The following TTI2 variants were observed in gnomAD, a reference collection of about 807,000 sequenced individuals.
The protein encoded by TTI2 is TELO2 interacting protein 2.
A neutral mutation model predicts 44.9 loss-of-function variants in TTI2; 26 were observed. The ratio of observed to expected loss-of-function variants is 0.58; its 90% CI spans 0.42 to 0.80. The LOEUF is 0.80. TTI2 is among the 30% of genes least tolerant of loss of function. The pLI is 0.00. For missense variants in TTI2, 582 were observed against 611.6 expected, an observed-to-expected ratio of 0.95 and a Z score of 0.51; for synonymous variants, 254 against 250.9, an observed-to-expected ratio of 1.01 and a Z score of -0.12.
At position 33,500,335 on chromosome 8, in the gene TTI2, C is replaced by T. The variant is rs755926912; in HGVS notation, c.1415G>A (p.Arg472Gln). Residue 472 changes from arginine (R) to glutamine (Q), a missense_variant, in exon 7 of 8, where the codon CGG becomes CAG. Coordinates refer to ENST00000431156, the MANE Select transcript of TTI2 (RefSeq NM_001102401.4). Reference protein sequence around the residue: ...LILLDRCSQGRVKGLLAKIPQ... With the variant: ...LILLDRCSQGQVKGLLAKIPQ... ...AGTTTCAGTCTGCCTTACCTTTACC[C>T]GTCCTTGAGAACAGCGGTCCAGGAG... 9.3e-6 allele frequency: 15 copies of T among 1,614,036 alleles called. 1 individual carries two copies. In the South Asian group the frequency reaches 1.1e-4, roughly 12 times the overall value.
chr8:33,512,877 T>TAAAAAA (rs61291473), intron 1 of TTI2, 165 bp from the exon 2 acceptor site: 12 of 93,234 alleles, frequency 1.3e-4, no homozygotes, highest in South Asian at 4.3e-4. Flanking sequence ...TCCGTCTCAG[T>TAAAAAA]AAAAAAAAAA....
Position 33,498,926 on chromosome 8 carries a change from T to C in TTI2, c.*247A>G. The C allele has an allele frequency of 1.4e-5, 8 of 578,504 alleles. No homozygotes were observed. The East Asian group carries it at 2.0e-4, about 15-fold the overall frequency. 35.8% of individuals were successfully genotyped at this position (578,504 alleles called of 1,614,324 possible). On this transcript the variant is annotated 3_prime_UTR_variant, in exon 8 of 8. Transcript: ENST00000431156. ...ATGAGATGACGGATGTAAATATTTC[T>C]AAATTTTAAATGCTACATTACTTGG...
intron 3 of TTI2, among the ~76,000 whole-genome samples, chr8:33,509,090 C>A (rs1271401822): frequency 7.2e-6 from 1 of 139,272 alleles, no homozygotes; most frequent in Non-Finnish European, 1.5e-5. Flanking sequence ...CTGCAGTGAG[C>A]CAAGATCACA....
rs1315225989 is a variant in TTI2 at position 33,512,419 on chromosome 8, A to C, written c.195T>G (p.Asp65Glu). 3 of 1,614,038 alleles carry C rather than the reference A, an allele frequency of 1.9e-6. No individual in the cohort carries two copies. The highest frequency in any genetic ancestry group is 2.5e-6 in the Non-Finnish European group (3 of 1,179,938). ...GTGCACCAGTCCCCTCAAATAACCT[A>C]TCAAATTCTGTGGCTTCTATTAGAT... ...LGDLIEATEF[D>E]RLFEGTGARL... is the part of the protein sequence containing the mutation. Residue 65 changes from aspartate (D) to glutamate (E), a missense_variant, in exon 2 of 8, where the codon GAT becomes GAG. Coordinates refer to ENST00000431156, the MANE Select transcript of TTI2 (RefSeq NM_001102401.4).
intron 3 of TTI2, among the ~76,000 whole-genome samples, chr8:33,508,302 T>C (rs1809380354): frequency 6.6e-6 from 1 of 151,590 alleles, no homozygotes; most frequent in Admixed American, 6.6e-5. Flanking sequence ...AAGAGCCCAC[T>C]AAGAGATAAA....
At chr8:33,508,569 C>T (rs1809388736) in intron 3 of TTI2, among the ~76,000 whole-genome samples, 1 of 142,146 alleles carries the variant, frequency 7.0e-6, no homozygotes, top group Non-Finnish European at 1.5e-5. Flanking sequence ...TAAGATCACA[C>T]CACTGCACTC....
chr8:33,503,992 T>C (rs974037109), intron 4 of TTI2, 57 bp from the exon 5 acceptor site: 9 of 1,562,876 alleles, frequency 5.8e-6, no homozygotes, highest in Non-Finnish European at 7.9e-6. Flanking sequence ...TTTACAATAC[T>C]CACTGACTTC....
At chr8:33,503,603 T>C (rs1302454664) in intron 5 of TTI2, 31 bp from the exon 6 acceptor site, 1 of 1,612,640 alleles carries the variant, frequency 6.2e-7, no homozygotes, top group African/African-American at 1.3e-5. Context: ...ATGACGCCAG[T>C]GCAGTGGCTC....
At chr8:33,509,596 T>C in intron 3 of TTI2, 150 bp downstream of exon 3, 1 of 741,292 alleles carries the variant, frequency 1.3e-6, no homozygotes, top group Non-Finnish European at 2.3e-6. Flanking sequence ...ACCTATAGGA[T>C]ACAACTTCTA....
rs561618714 is a variant in TTI2 at position 33,505,542 on chromosome 8, G to T, written c.928-1607C>A. ...TTCACTCTCGTTGCCCAGGCTGGAG[G>T]GCAATGGCATGATCTCGGCTCACTG... On this transcript the variant is annotated intron_variant, in intron 4 of 7. Coordinates refer to ENST00000431156, the MANE Select transcript of TTI2 (RefSeq NM_001102401.4). 2.0e-5 allele frequency among the ~76,000 whole-genome samples: 3 copies of T among 151,718 alleles called. No individual in the cohort carries two copies. In the East Asian group the frequency reaches 5.8e-4, roughly 29 times the overall value.
At chr8:33,505,644 C>T (rs1350518865) in intron 4 of TTI2, among the ~76,000 whole-genome samples, 1 of 151,974 alleles carries the variant, frequency 6.6e-6, no homozygotes, top group Non-Finnish European at 1.5e-5. Context: ...CATGCGCCAC[C>T]ATGCCTGGCT....
chr8:33,503,617 C>T (rs1563351949), intron 5 of TTI2, 45 bp from the exon 6 acceptor site: 2 of 1,611,010 alleles, frequency 1.2e-6, no homozygotes, highest in Admixed American at 3.3e-5. Flanking sequence ...GTGGCTCATG[C>T]CTGTAATCCC....
At chr8:33,509,715 C>T (rs1484833885) in intron 3 of TTI2, 31 bp downstream of exon 3, 8 of 1,605,560 alleles carry the variant, frequency 5.0e-6, no homozygotes, top group Admixed American at 1.7e-5. Context: ...TCTGTCCTGT[C>T]AACACAGATG....
At position 33,503,788 on chromosome 8, in the gene TTI2, G is replaced by A. The variant is rs770858092; in HGVS notation, c.1075C>T (p.Arg359Cys). The change falls in exon 5 of 8, where the codon CGC becomes TGC. Residue 359 changes from arginine (R) to cysteine (C), a missense_variant. By Grantham distance (180) the Arg-to-Cys change is radical. Coordinates refer to ENST00000431156, the MANE Select transcript of TTI2 (RefSeq NM_001102401.4). ...GGCAGGTTTCTTGCGTAGGTCCTGC[G>A]TAAAAGAAGGCGGTGCTCTGGCTCC... ...HMEPEHRLLLRRTYARNLPAF... is the reference protein window; with the variant it reads ...HMEPEHRLLLCRTYARNLPAF... 29 of 1,613,862 alleles carry A rather than the reference G, an allele frequency of 1.8e-5. No homozygotes were observed. The highest frequency in any genetic ancestry group is 2.3e-5 in the Non-Finnish European group (27 of 1,180,002).
At chr8:33,509,448 TC>T (rs1478638736) in intron 3 of TTI2, among the ~76,000 whole-genome samples, 1 of 87,784 alleles carries the variant, frequency 1.1e-5, no homozygotes, top group African/African-American at 5.0e-5. Context: ...AGAGTGAGAC[TC>T]CCTCTCAAAA....
At chr8:33,500,552 CT>C in intron 6 of TTI2, 62 bp from the exon 7 acceptor site, 1 of 1,585,360 alleles carries the variant, frequency 6.3e-7, no homozygotes, top group Non-Finnish European at 8.6e-7. Flanking sequence ...TTGGAAGAGA[CT>C]TCAAAGACTG....
intron 3 of TTI2, among the ~76,000 whole-genome samples, chr8:33,507,523 G>A (rs1809343938): frequency 6.6e-6 from 1 of 152,210 alleles, no homozygotes; most frequent in African/African-American, 2.4e-5. Flanking sequence ...CATGCAGCAA[G>A]TGATAAAAGA....
chr8:33,512,910 A>C, intron 1 of TTI2, 172 bp downstream of exon 1: 3 of 249,234 alleles, frequency 1.2e-5, no homozygotes, highest in Non-Finnish European at 2.3e-5. Flanking sequence ...ATAAAGAGGA[A>C]AGGACGCAAG....
At chr8:33,501,270 C>T (rs1809069246) in intron 6 of TTI2, 1 of 152,138 alleles carries the variant, frequency 6.6e-6, no homozygotes, top group Non-Finnish European at 1.5e-5. Context: ...AGATGCGTGA[C>T]TGGGAGAAAA....
Sources: gnomAD v4.1 joint callset for allele counts (sites outside exome capture counted in the v4.1 genomes callset) on GRCh38, gnomAD v4.1.1 for gene constraint, MANE v1.5 for transcripts, NCBI Gene and HGNC (gene_info 2026-07-23, HGNC 2026-07-21) for gene names.